The following KPNA6 variants were observed in gnomAD, a reference collection of about 807,000 sequenced individuals.
The protein encoded by KPNA6 is karyopherin subunit alpha 6.
Under a neutral mutation model 72.0 loss-of-function variants are expected in KPNA6, and 9 were observed. The ratio of observed to expected loss-of-function variants is 0.13; its 90% CI spans 0.08 to 0.22. The LOEUF (loss-of-function observed/expected upper bound fraction) is 0.22. KPNA6 is among the 10% of genes least tolerant of loss of function. The pLI is 1.00. For synonymous variants in KPNA6, 219 were observed against 242.1 expected (o/e 0.90, Z 0.89); for missense variants, 374 against 655.7 (o/e 0.57, Z 4.69).
chr1:32,146,654 G>A (rs1641934149), intron 1 of KPNA6, among the ~76,000 whole-genome samples: 1 of 152,110 alleles, frequency 6.6e-6, no homozygotes, highest in African/African-American at 2.4e-5. Flanking sequence ...TTTAAACATT[G>A]TGTGACCAAT....
chr1:32,141,578 G>A (rs1039309556), intron 1 of KPNA6, among the ~76,000 whole-genome samples: 2 of 150,998 alleles, frequency 1.3e-5, no homozygotes, highest in African/African-American at 4.9e-5. Context: ...TTATATTTTT[G>A]TAGAGACAGG....
rs1642526612 is a variant in KPNA6 at position 32,176,309 on chromosome 1, T to A, written c.*5415T>A. 1 of 152,090 alleles carries A rather than the reference T, an allele frequency of 6.6e-6. No homozygotes were observed. The highest frequency in any genetic ancestry group is 6.5e-5 in the Admixed American group (1 of 15,272). 9.4% of individuals were successfully genotyped at this position (152,090 alleles called of 1,614,324 possible). On this transcript the variant is annotated 3_prime_UTR_variant, in exon 14 of 14. Transcript: ENST00000373625. ...GATGAATCTAATCCTTCTCACTGGT[T>A]TTTCTTTGCAAATTCATTTGCTTTT...
At position 32,170,071 on chromosome 1, in the gene KPNA6, TCTC is replaced by T. The variant is rs1315234078; in HGVS notation, c.1423+15_1423+17del. On this transcript the variant is annotated intron_variant, in intron 13 of 13. Coordinates refer to ENST00000373625, the MANE Select transcript of KPNA6 (RefSeq NM_012316.5). ...TAGAGGAAGCCTATGGTATGTGCCC[TCTC>T]CTCAATCTAGGTCAGAACCTGAGAC... The T allele has an allele frequency of 1.2e-6, 2 of 1,609,770 alleles. No individual in the cohort carries two copies. Among genetic ancestry groups the T allele is most frequent in the African/African-American group, 2.7e-5 (2 of 74,796 alleles).
At chr1:32,169,124 TG>T (rs111384328) in intron 12 of KPNA6, among the ~76,000 whole-genome samples, 19,694 of 152,000 alleles carry the variant, frequency 0.13, 1,715 homozygotes, top group South Asian at 0.25. Context: ...CCCAGCACTT[TG>T]GGGAGGTCAA....
intron 1 of KPNA6, among the ~76,000 whole-genome samples, chr1:32,119,040 T>TG (rs1641386185): frequency 8.3e-6 from 1 of 120,226 alleles, no homozygotes; most frequent in African/African-American, 3.2e-5. Flanking sequence ...ATATTTTTTT[T>TG]TTTTTTTTTG....
intron 5 of KPNA6, 56 bp from the exon 6 acceptor site, chr1:32,159,344 G>A (rs1642197288): frequency 1.3e-6 from 2 of 1,585,688 alleles, no homozygotes; most frequent in African/African-American, 1.4e-5. Context: ...CCAGCTGATA[G>A]GCATGGCTGC....
At chr1:32,148,608 C>T (rs182749924) in intron 1 of KPNA6, among the ~76,000 whole-genome samples, 23 of 149,326 alleles carry the variant, frequency 1.5e-4, no homozygotes, top group African/African-American at 5.4e-4. Context: ...CTTTGTCACC[C>T]AGGCTGGAGT....
At position 32,136,047 on chromosome 1, in the gene KPNA6, G is replaced by A. The variant is rs1169518719; in HGVS notation, c.5-18541G>A. On this transcript the variant is annotated intron_variant, in intron 1 of 13. Coordinates refer to ENST00000373625, the MANE Select transcript of KPNA6 (RefSeq NM_012316.5). ...AATTTGTATTAACAATTTAACCAGA[G>A]GCTCCAAACTAGTAGTCTGTAGGCC... Among the ~76,000 whole-genome samples, 4 of 152,142 alleles carry A rather than the reference G, an allele frequency of 2.6e-5. No homozygotes were observed. In the East Asian group the frequency reaches 7.7e-4, roughly 29 times the overall value.
chr1:32,122,378 CAAA>C (rs774610926), intron 1 of KPNA6, among the ~76,000 whole-genome samples: 6 of 81,908 alleles, frequency 7.3e-5, no homozygotes, highest in African/African-American at 9.2e-5. Flanking sequence ...AGAGAACAAG[CAAA>C]AAAAAAAAAA....
chr1:32,162,356 C>T lies in KPNA6; in HGVS notation c.748-5C>T, dbSNP rs760182715. 1.3e-6 allele frequency: 2 copies of T among 1,580,152 alleles called. No individual in the cohort carries two copies. Among genetic ancestry groups the T allele is most frequent in the Non-Finnish European group, 1.7e-6 (2 of 1,164,964 alleles). ...TGTGAGTCTTTCTCACTCTGCTTCC[C>T]ACAGGTCTCTCCTTGTTTGCCTGTA... On this transcript the variant is annotated splice_polypyrimidine_tract_variant and splice_region_variant and intron_variant, in intron 8 of 13. Coordinates refer to ENST00000373625, the MANE Select transcript of KPNA6 (RefSeq NM_012316.5).
At chr1:32,166,624 C>CAAAAAAA (rs561653103) in intron 11 of KPNA6, among the ~76,000 whole-genome samples, 1 of 39,048 alleles carries the variant, frequency 2.6e-5, no homozygotes, top group Non-Finnish European at 5.1e-5. Flanking sequence ...GACTCCGTCT[C>CAAAAAAA]AAAAAAAAAA....
intron 2 of KPNA6, 37 bp from the exon 3 acceptor site, chr1:32,156,816 C>A: frequency 2.1e-6 from 3 of 1,438,502 alleles, no homozygotes; most frequent in South Asian, 1.1e-5. Flanking sequence ...TTCTTTGGTT[C>A]AGAGAGTACT....
intron 1 of KPNA6, among the ~76,000 whole-genome samples, chr1:32,149,719 A>G (rs1641994966): frequency 1.3e-5 from 2 of 152,112 alleles, no homozygotes; most frequent in Admixed American, 6.5e-5. Flanking sequence ...CTACTTGAAG[A>G]CTTTTAGCAT....
At chr1:32,109,464 G>C (rs373544608) in intron 1 of KPNA6, among the ~76,000 whole-genome samples, 1 of 151,712 alleles carries the variant, frequency 6.6e-6, no homozygotes, top group South Asian at 2.1e-4. Context: ...GAGCCACTGC[G>C]TCCAGCCTGT....
chr1:32,117,418 C>T (rs569047080), intron 1 of KPNA6, among the ~76,000 whole-genome samples: 2 of 151,828 alleles, frequency 1.3e-5, no homozygotes, highest in African/African-American at 2.4e-5. Flanking sequence ...GTGATCCACC[C>T]GCCTCGGCCT....
At chr1:32,146,404 G>T (rs147743928) in intron 1 of KPNA6, among the ~76,000 whole-genome samples, 156 of 152,268 alleles carry the variant, frequency 1.0e-3, no homozygotes, top group African/African-American at 3.7e-3. Context: ...AGATATTCAT[G>T]TAGCTATTCC....
intron 4 of KPNA6, among the ~76,000 whole-genome samples, chr1:32,157,721 C>A (rs1052032575): frequency 6.6e-6 from 1 of 152,150 alleles, no homozygotes; most frequent in African/African-American, 2.4e-5. Context: ...TACATATTCT[C>A]CTCCTCTCCC....
intron 1 of KPNA6, among the ~76,000 whole-genome samples, chr1:32,150,507 T>C (rs1268484826): frequency 2.0e-5 from 3 of 152,112 alleles, no homozygotes; most frequent in African/African-American, 2.4e-5. Context: ...CAGTTACTAA[T>C]ATATGAGAGC....
chr1:32,118,997 CATAT>C lies in KPNA6; in HGVS notation c.4+10896_4+10899del, dbSNP rs71578197. ...ATGTGTGTGTGTGTGTGTGTGTATA[CATAT>C]ATATATATATATATATATATATATA... is the stretch of plus-strand genomic sequence containing the variant. On this transcript the variant is annotated intron_variant, in intron 1 of 13. Transcript: ENST00000373625. 6.9e-3 allele frequency among the ~76,000 whole-genome samples: 412 copies of C among 59,772 alleles called. 10 individuals are homozygous for C. Among genetic ancestry groups the C allele is most frequent in the Middle Eastern group, 0.048 (3 of 62 alleles). The allele number at this position is 59,772 out of a possible 152,430, so 39.2% of individuals were successfully genotyped here.
Sources: allele counts gnomAD v4.1 joint callset (sites outside exome capture counted in the v4.1 genomes callset), GRCh38; gene constraint gnomAD v4.1.1; transcripts MANE v1.5; gene names NCBI Gene and HGNC (gene_info 2026-07-23, HGNC 2026-07-21).